The following ZNF532 variants were observed in gnomAD, a reference collection of about 807,000 sequenced individuals.
ZNF532 encodes the protein zinc finger protein 532.
In ZNF532, 22 loss-of-function variants were observed where a neutral mutation model predicts 89.3. The ratio of observed to expected loss-of-function variants is 0.25; its 90% CI spans 0.18 to 0.35. ZNF532 has a LOEUF of 0.35. Ranked by LOEUF, ZNF532 falls within the 10% of genes least tolerant of loss-of-function variation. ZNF532 has a pLI of 1.00. For missense variants in ZNF532, 1,132 were observed against 1,643.4 expected (o/e 0.69, Z 5.38); for synonymous variants, 606 against 649.6 (o/e 0.93, Z 1.02).
chr18:58,901,674 C>G (rs1439868456), intron 2 of ZNF532, among the ~76,000 whole-genome samples: 2 of 152,204 alleles, frequency 1.3e-5, no homozygotes, highest in East Asian at 3.9e-4. Flanking sequence ...GTACCTATTA[C>G]AAGTGACGAT....
intron 7 of ZNF532, among the ~76,000 whole-genome samples, chr18:58,971,427 G>A (rs939122523): frequency 5.9e-5 from 9 of 152,220 alleles, no homozygotes; most frequent in African/African-American, 1.9e-4. Context: ...TCAGCAAACT[G>A]CGTTTCATGG....
chr18:58,903,685 A>G (rs2059743021), intron 2 of ZNF532, among the ~76,000 whole-genome samples: 1 of 152,204 alleles, frequency 6.6e-6, no homozygotes, highest in Non-Finnish European at 1.5e-5. Flanking sequence ...GATATTGAGT[A>G]AGAGATGACG....
At position 58,920,374 on chromosome 18, in the gene ZNF532, G is replaced by A. The variant is rs2060937769; in HGVS notation, c.2087G>A (p.Ser696Asn). Reference protein sequence around the residue: ...PADQMIVSPSSNTSTSTSTLQ... With the variant: ...PADQMIVSPSNNTSTSTSTLQ... Reference sequence around the variant, plus strand: ...GATCAAATGATAGTTTCTCCGTCAAGCAATACTTCCACTTCAACTTCCACT... The same window carrying A: ...GATCAAATGATAGTTTCTCCGTCAAACAATACTTCCACTTCAACTTCCACT... Residue 696 changes from serine to asparagine, a missense_variant, in exon 3 of 10, where the codon AGC becomes AAC. By Grantham distance (46) the Ser-to-Asn change is conservative (BLOSUM62 1). This residue lies in a region of ZNF532 where 70 missense variants were observed against 152.1 expected (regional missense o/e 0.46). Coordinates refer to ENST00000591808, the MANE Select transcript of ZNF532 (RefSeq NM_001375912.1). The A allele has an allele frequency of 1.2e-6, 2 of 1,613,844 alleles. No homozygotes were observed. The highest frequency in any genetic ancestry group is 1.7e-6 in the Non-Finnish European group (2 of 1,179,876).
At chr18:58,955,076 T>C (rs958449471) in intron 7 of ZNF532, among the ~76,000 whole-genome samples, 2 of 152,118 alleles carry the variant, frequency 1.3e-5, no homozygotes, top group South Asian at 2.1e-4. Flanking sequence ...CCTGGAATAT[T>C]GATTAGATTT....
chr18:58,907,660 G>GA (rs947798197), intron 2 of ZNF532, among the ~76,000 whole-genome samples: 21 of 152,266 alleles, frequency 1.4e-4, no homozygotes, highest in Non-Finnish European at 3.1e-4. Flanking sequence ...GGGTTCAGGA[G>GA]AGGATGGTCA....
chr18:58,956,495 C>G (rs2064793366), intron 7 of ZNF532, among the ~76,000 whole-genome samples: 1 of 152,166 alleles, frequency 6.6e-6, no homozygotes, highest in African/African-American at 2.4e-5. Context: ...GGAGCACCCA[C>G]TTCCAAACAC....
intron 7 of ZNF532, among the ~76,000 whole-genome samples, chr18:58,955,964 C>T (rs1255501852): frequency 1.3e-5 from 2 of 152,242 alleles, no homozygotes; most frequent in African/African-American, 4.8e-5. Flanking sequence ...AAGAGTCAAA[C>T]AGGAGCTGGC....
intron 2 of ZNF532, among the ~76,000 whole-genome samples, chr18:58,907,208 C>T (rs1035605161): frequency 5.9e-5 from 9 of 152,134 alleles, no homozygotes; most frequent in African/African-American, 1.7e-4. Context: ...TTTTTAAAGA[C>T]GGAGTCTCGC....
rs1348542840 is a variant in ZNF532 at position 58,888,876 on chromosome 18, T to TA, written c.-18+23297_-18+23298insA. ...ATAATTTATATATATATAATATATA[T>TA]TATATATATATATTTTATATATATA... On this transcript the variant is annotated intron_variant, in intron 2 of 9. Transcript: ENST00000591808. Among the ~76,000 whole-genome samples, 134 of 42,300 alleles carry TA rather than the reference T, an allele frequency of 3.2e-3. 11 individuals carry two copies. The highest frequency in any genetic ancestry group is 0.01 in the African/African-American group (91 of 8,716). 27.8% of individuals were successfully genotyped at this position (42,300 alleles called of 152,430 possible). A position where few individuals can be genotyped will look rare whatever the true frequency, so the allele number is the denominator to read the frequency against.
At chr18:58,864,068 C>G (rs7239625), upstream of ZNF532, 1 of 151,770 alleles carries the variant, frequency 6.6e-6, no homozygotes, top group Non-Finnish European at 1.5e-5. Context: ...CTCTCCTACT[C>G]CCCCCGCCGG....
chr18:58,894,939 C>G (rs888264195), intron 2 of ZNF532, among the ~76,000 whole-genome samples: 2 of 152,106 alleles, frequency 1.3e-5, no homozygotes, highest in Non-Finnish European at 2.9e-5. Flanking sequence ...CCAGCCTGGG[C>G]AACATAGGCC....
Position 58,939,559 on chromosome 18 carries a change from T to G in ZNF532, c.2643T>G (p.Ser881=). The part of the protein sequence containing the change: ...KCPICPMAFK[S]APSTHSHAYT... ...CTATTTGTCCAATGGCGTTTAAGTC[T>G]GCCCCAAGCACACATTCCCACGCCT... The change falls in exon 5 of 10, where the codon TCT becomes TCG. Residue 881 remains serine, a synonymous_variant. Transcript: ENST00000591808. 6.2e-7 allele frequency: 1 copy of G among 1,614,144 alleles called. No homozygotes were observed. The highest frequency in any genetic ancestry group is 8.5e-7 in the Non-Finnish European group (1 of 1,180,016).
chr18:58,939,334 G>C, intron 4 of ZNF532, 111 bp from the exon 5 acceptor site: 1 of 699,406 alleles, frequency 1.4e-6, no homozygotes, highest in Non-Finnish European at 2.2e-6. Context: ...CTTCCGAAGG[G>C]CCATTAAAAA....
At chr18:58,977,084 T>G (rs2067143310) in intron 7 of ZNF532, among the ~76,000 whole-genome samples, 1 of 152,088 alleles carries the variant, frequency 6.6e-6, no homozygotes, top group Non-Finnish European at 1.5e-5. Flanking sequence ...TTTCGTTGTT[T>G]CCCCCAGAGA....
chr18:58,909,378 G>T (rs2060140816), intron 2 of ZNF532, among the ~76,000 whole-genome samples: 1 of 152,166 alleles, frequency 6.6e-6, no homozygotes, highest in African/African-American at 2.4e-5. Flanking sequence ...TGTAGGGAGA[G>T]CCAAGCAGAA....
At chr18:58,982,232 AG>A (rs2147747178) in intron 9 of ZNF532, among the ~76,000 whole-genome samples, 1 of 152,194 alleles carries the variant, frequency 6.6e-6, no homozygotes, top group South Asian at 2.1e-4. Context: ...TGAACCCAGG[AG>A]GCAGAGGTTG....
In ZNF532 at chr18:58,919,551, G is replaced by A; in HGVS notation, c.1264G>A (p.Ala422Thr). Reference protein sequence around the residue: ...SAAVLSSPPRAPLQSAVVTNA... With the variant: ...SAAVLSSPPRTPLQSAVVTNA... ...CGCCGTCCTTTCCTCTCCCCCCAGGGCGCCTCTCCAGTCTGCGGTCGTGAC... is the reference window on the plus strand; with the variant it reads ...CGCCGTCCTTTCCTCTCCCCCCAGGACGCCTCTCCAGTCTGCGGTCGTGAC... Residue 422 changes from alanine (A) to threonine (T), a missense_variant, in exon 3 of 10, where the codon GCG (alanine) becomes ACG (threonine). By Grantham distance (58) the Ala-to-Thr change is moderately conservative (BLOSUM62 0). Around this residue, in one of 9 missense-constraint regions of ZNF532, gnomAD observed 124 missense variants for 191.6 expected, o/e 0.65. Transcript: ENST00000591808. The surrounding 1 kb of genome is among the most constrained non-coding windows in gnomAD (Gnocchi z 6.1). The A allele has an allele frequency of 6.2e-7, 1 of 1,614,132 alleles. No individual in the cohort carries two copies.
intron 2 of ZNF532, among the ~76,000 whole-genome samples, chr18:58,912,219 G>C (rs2060325437): frequency 1.3e-5 from 2 of 152,262 alleles, no homozygotes; most frequent in South Asian, 4.1e-4. Context: ...TTATATTTCA[G>C]ATCAGGAATA....
chr18:58,963,262 A>G (rs1045839929), intron 7 of ZNF532, among the ~76,000 whole-genome samples: 1 of 152,182 alleles, frequency 6.6e-6, no homozygotes, highest in Non-Finnish European at 1.5e-5. Flanking sequence ...GCCTTTAAGA[A>G]AAGTCCATAG....
Sources: gnomAD v4.1 joint callset for allele counts (sites outside exome capture counted in the v4.1 genomes callset) on GRCh38, gnomAD v4.1.1 for gene constraint, gnomAD v4.1.1 regional missense constraint, Gnocchi (gnomAD v3.1) non-coding constraint, MANE v1.5 for transcripts, NCBI Gene and HGNC (gene_info 2026-07-23, HGNC 2026-07-21) for gene names.